The following NCK2 variants were observed in gnomAD, a reference collection of about 807,000 sequenced individuals.
The protein encoded by NCK2 is NCK adaptor protein 2, also known as cytoplasmic protein NCK2.
In NCK2, 16 loss-of-function variants were observed where a neutral mutation model predicts 33.9. The ratio of observed to expected loss-of-function variants is 0.47; its 90% CI spans 0.32 to 0.72. NCK2 has a LOEUF of 0.72. Among genes scored for constraint, NCK2 ranks in the 30% least tolerant of loss-of-function variants. The probability of loss-of-function intolerance (pLI) is 0.03; values close to 1 mark genes in which losing one functional copy is unlikely to be tolerated. For missense variants in NCK2, 418 were observed against 537.3 expected (o/e 0.78, Z 2.19); for synonymous variants, 273 against 239.9 (o/e 1.14, Z -1.27).
intron 3 of NCK2, among the ~76,000 whole-genome samples, chr2:105,873,819 G>T (rs914322831): frequency 6.6e-6 from 1 of 152,198 alleles, no homozygotes; most frequent in Non-Finnish European, 1.5e-5. Context: ...GCCTCTCCCT[G>T]CTCACCTCTG....
At chr2:105,829,841 G>A (rs1008208108) in intron 2 of NCK2, among the ~76,000 whole-genome samples, 2 of 152,282 alleles carry the variant, frequency 1.3e-5, no homozygotes, top group East Asian at 1.9e-4. Flanking sequence ...CTTGAAGATG[G>A]AGTGTCTACG....
At chr2:105,812,593 G>C (rs2104473563) in intron 1 of NCK2, among the ~76,000 whole-genome samples, 1 of 152,316 alleles carries the variant, frequency 6.6e-6, no homozygotes, top group Admixed American at 6.5e-5. Flanking sequence ...GAGGAGGGAA[G>C]GGTAAGACAA....
At chr2:105,841,089 C>T (rs536722996) in intron 2 of NCK2, among the ~76,000 whole-genome samples, 28 of 152,320 alleles carry the variant, frequency 1.8e-4, no homozygotes, top group Middle Eastern at 3.4e-3. Context: ...AGTCCAGACT[C>T]ATTTCTTCCA....
chr2:105,834,032 TTC>T (rs1465283616), intron 2 of NCK2, among the ~76,000 whole-genome samples: 1 of 152,266 alleles, frequency 6.6e-6, no homozygotes, highest in Non-Finnish European at 1.5e-5. Context: ...TTATAAAAAT[TTC>T]TTATGACTTC....
intron 2 of NCK2, among the ~76,000 whole-genome samples, chr2:105,821,257 G>T (rs1255684239): frequency 6.6e-6 from 1 of 152,126 alleles, no homozygotes; most frequent in East Asian, 1.9e-4. Flanking sequence ...CCCCCAACAG[G>T]TTATTTAGAA....
chr2:105,873,542 C>T (rs1395162174), intron 3 of NCK2, among the ~76,000 whole-genome samples: 1 of 152,168 alleles, frequency 6.6e-6, no homozygotes, highest in Non-Finnish European at 1.5e-5. Flanking sequence ...AACCCTTGGT[C>T]ACTGTGTTCT....
intron 2 of NCK2, among the ~76,000 whole-genome samples, chr2:105,853,137 G>A (rs1448111854): frequency 6.6e-6 from 1 of 152,124 alleles, no homozygotes; most frequent in South Asian, 2.1e-4. Context: ...AGGGAGGAAG[G>A]GGATTTTAGT....
chr2:105,889,808 A>G (rs1238545648), intron 4 of NCK2, among the ~76,000 whole-genome samples: 1 of 152,106 alleles, frequency 6.6e-6, no homozygotes, highest in African/African-American at 2.4e-5. Flanking sequence ...CTGATCTCAA[A>G]GTCCTGGCCT....
intron 1 of NCK2, among the ~76,000 whole-genome samples, chr2:105,783,027 C>T (rs377434001): frequency 2.0e-5 from 3 of 152,138 alleles, no homozygotes; most frequent in African/African-American, 7.2e-5. Context: ...AGCCTTAAGG[C>T]CAGAGCCTTT....
At chr2:105,758,103 C>G (rs1689650094) in intron 1 of NCK2, among the ~76,000 whole-genome samples, 1 of 152,120 alleles carries the variant, frequency 6.6e-6, no homozygotes, top group Non-Finnish European at 1.5e-5. Context: ...TGCTTGAGAG[C>G]TTTATCTCTT....
intron 1 of NCK2, among the ~76,000 whole-genome samples, chr2:105,765,315 CTG>C (rs1689902330): frequency 6.6e-6 from 1 of 152,220 alleles, no homozygotes; most frequent in African/African-American, 2.4e-5. Flanking sequence ...TTTGTACATA[CTG>C]TGACTACCAT....
At chr2:105,865,772 A>G (rs1165999907) in intron 3 of NCK2, among the ~76,000 whole-genome samples, 1 of 152,168 alleles carries the variant, frequency 6.6e-6, no homozygotes, top group Non-Finnish European at 1.5e-5. Context: ...AGTCATCTTC[A>G]GCATCTTTGT....
chr2:105,747,652 C>A (rs1053292447), intron 1 of NCK2, among the ~76,000 whole-genome samples: 2 of 152,308 alleles, frequency 1.3e-5, no homozygotes, highest in South Asian at 4.1e-4. Flanking sequence ...CACAAATGAA[C>A]TGGAAACTCC....
intron 1 of NCK2, among the ~76,000 whole-genome samples, chr2:105,805,437 C>A (rs1674995488): frequency 6.6e-6 from 1 of 152,090 alleles, no homozygotes; most frequent in African/African-American, 2.4e-5. Flanking sequence ...AGTAAAATTT[C>A]TATTTAATTG....
intron 3 of NCK2, among the ~76,000 whole-genome samples, chr2:105,874,481 C>CA (rs538386504): frequency 2.0e-4 from 30 of 152,286 alleles, no homozygotes; most frequent in African/African-American, 6.7e-4. Context: ...CGATTCTTAG[C>CA]AAAAATAGCA....
chr2:105,833,103 C>CT (rs1198754729), intron 2 of NCK2, among the ~76,000 whole-genome samples: 43 of 129,354 alleles, frequency 3.3e-4, no homozygotes, highest in Admixed American at 2.0e-3. Flanking sequence ...TTCTTCTTTT[C>CT]TTTTTTTTGA....
chr2:105,872,959 G>C (rs2104635249), intron 3 of NCK2, among the ~76,000 whole-genome samples: 1 of 152,332 alleles, frequency 6.6e-6, no homozygotes, highest in East Asian at 1.9e-4. Flanking sequence ...CCTGTCCTCT[G>C]CCTGTCTTGG....
intron 2 of NCK2, among the ~76,000 whole-genome samples, chr2:105,844,576 A>AAC (rs199798899): frequency 0.033 from 2,794 of 85,216 alleles, 104 homozygotes; most frequent in African/African-American, 0.083. Context: ...GAAAAAAACA[A>AAC]AAAAAAAAAA....
chr2:105,784,117 T>G (rs1573588315), intron 1 of NCK2, among the ~76,000 whole-genome samples: 1 of 152,144 alleles, frequency 6.6e-6, no homozygotes, highest in African/African-American at 2.4e-5. Context: ...GAGCTTTTCT[T>G]TTTTGAGAGA....
Sources: gnomAD v4.1 joint callset for allele counts (sites outside exome capture counted in the v4.1 genomes callset) on GRCh38, gnomAD v4.1.1 for gene constraint, MANE v1.5 for transcripts, NCBI Gene and HGNC (gene_info 2026-07-23, HGNC 2026-07-21) for gene names.